Variants in TTC13 observed in about 807,000 individuals in gnomAD.
TTC13 encodes tetratricopeptide repeat protein 13.
A neutral mutation model predicts 120.0 loss-of-function variants in TTC13; 62 were observed. The ratio of observed to expected loss-of-function variants is 0.52; its 90% CI spans 0.42 to 0.64. The LOEUF is 0.64. Ranked by LOEUF, TTC13 falls within the 30% of genes least tolerant of loss-of-function variation. The probability of loss-of-function intolerance (pLI) is 0.00; values close to 1 mark genes in which losing one functional copy is unlikely to be tolerated. For synonymous variants in TTC13, 384 were observed against 393.5 expected (o/e 0.98, Z 0.28); for missense variants, 824 against 1,050.2 (o/e 0.78, Z 2.98).
chr1:230,958,660 C>G (rs1676335047), intron 2 of TTC13, among the ~76,000 whole-genome samples: 2 of 152,210 alleles, frequency 1.3e-5, no homozygotes. Context: ...TGTTTACAGA[C>G]AAGTTCACAG....
chr1:230,927,829 C>T (rs1410244638), intron 12 of TTC13, among the ~76,000 whole-genome samples: 2 of 152,124 alleles, frequency 1.3e-5, no homozygotes, highest in Non-Finnish European at 2.9e-5. Flanking sequence ...GCCATTCATA[C>T]TTCAGATTTT....
chr1:230,916,696 C>T (rs1238044847), intron 17 of TTC13, among the ~76,000 whole-genome samples: 1 of 152,202 alleles, frequency 6.6e-6, no homozygotes, highest in East Asian at 1.9e-4. Flanking sequence ...AACTTATGCT[C>T]ATACTAGTGC....
chr1:230,941,059 C>T (rs554738693), intron 6 of TTC13, among the ~76,000 whole-genome samples: 1 of 152,202 alleles, frequency 6.6e-6, no homozygotes, highest in African/African-American at 2.4e-5. Flanking sequence ...TTTTGTGTAA[C>T]AACTTTTAAC....
chr1:230,939,867 T>C lies in TTC13; in HGVS notation c.790-371A>G, dbSNP rs184365255. Among the ~76,000 whole-genome samples, 19 of 152,376 alleles carry C rather than the reference T, an allele frequency of 1.2e-4. No individual in the cohort carries two copies. The East Asian group carries it at 3.7e-3, about 29-fold the overall frequency. The stretch of plus-strand genomic sequence containing the variant: ...GCCACAGATTAACATTAAAATGTGT[T>C]ATGCTGAGACTCTTTTAATATATTT... On this transcript the variant is annotated intron_variant, in intron 7 of 22. Coordinates refer to ENST00000366661, the MANE Select transcript of TTC13 (RefSeq NM_024525.5).
chr1:230,923,649 G>A (rs565200490), intron 15 of TTC13, among the ~76,000 whole-genome samples, 192 bp downstream of exon 15: 9 of 152,134 alleles, frequency 5.9e-5, no homozygotes, highest in East Asian at 1.9e-4. Context: ...TATGGCATGC[G>A]CTATGTTTCT....
Position 230,906,671 on chromosome 1 carries a change from G to A in TTC13, c.*234C>T, listed in dbSNP as rs989044228. On this transcript the variant is annotated 3_prime_UTR_variant, in exon 23 of 23. Transcript: ENST00000366661. ...TATAAGTGGGAACCAACAGGCTGCC[G>A]GCTAATACATACGCTTTCCCTCCAA... 14 of 259,116 alleles carry A rather than the reference G, an allele frequency of 5.4e-5. No homozygotes were observed. The highest frequency in any genetic ancestry group is 1.1e-3 in the Middle Eastern group (1 of 876). The allele number at this position is 259,116 out of a possible 1,614,324, so 16.1% of individuals were successfully genotyped here. A position where few individuals can be genotyped will look rare whatever the true frequency, so the allele number is the denominator to read the frequency against.
At chr1:230,929,181 A>C in intron 11 of TTC13, 88 bp from the exon 12 acceptor site, 1 of 1,336,066 alleles carries the variant, frequency 7.5e-7, no homozygotes, top group Middle Eastern at 2.0e-4. Context: ...CTTTGTAACA[A>C]GCTGTTCTTC....
intron 2 of TTC13, among the ~76,000 whole-genome samples, chr1:230,959,383 T>TTA (rs1676406771): frequency 7.1e-6 from 1 of 139,990 alleles, no homozygotes; most frequent in South Asian, 2.5e-4. Context: ...ACAAATCAAA[T>TTA]TCTTTTTTTT....
At position 230,931,745 on chromosome 1, in the gene TTC13, C is replaced by T. The variant is rs777160155; in HGVS notation, c.1116G>A (p.Lys372=). 2 of 1,614,020 alleles carry T rather than the reference C, an allele frequency of 1.2e-6. No individual in the cohort carries two copies. The highest frequency in any genetic ancestry group is 1.7e-6 in the Non-Finnish European group (2 of 1,179,980). Residue 372 remains lysine (K), a synonymous_variant, in exon 10 of 23, where the codon AAG becomes AAA. Transcript: ENST00000366661. ...ATTTATGGATGCTCACCTTAAAGTTCTTAAGGGCTTCCTGTAAGCTGCCGT... is the reference window on the plus strand; with the variant it reads ...ATTTATGGATGCTCACCTTAAAGTTTTTAAGGGCTTCCTGTAAGCTGCCGT... ...YHHGSLQEAL[K]NFKRCLQLEP...
rs571645647 is a variant in TTC13, at chr1:230,913,148, A to G, written c.2094-390T>C. Among the ~76,000 whole-genome samples the G allele has an allele frequency of 2.6e-5, 4 of 152,364 alleles. No individual in the cohort carries two copies. In the East Asian group the frequency reaches 5.8e-4, roughly 22 times the overall value. On this transcript the variant is annotated intron_variant, in intron 18 of 22. Transcript: ENST00000366661. ...AGAAGCAAGAACTGTGTGTAGGAAG[A>G]AAGTTCAGGGACTACACCATGGTTC...
chr1:230,978,526 C>A lies in TTC13; in HGVS notation c.271+34G>T. 2.7e-6 allele frequency: 2 copies of A among 727,876 alleles called. No individual in the cohort carries two copies. The highest frequency in any genetic ancestry group is 3.8e-6 in the Non-Finnish European group (2 of 522,760). The allele number at this position is 727,876 out of a possible 1,614,324, so 45.1% of individuals were successfully genotyped here. A position where few individuals can be genotyped will look rare whatever the true frequency, so the allele number is the denominator to read the frequency against. ...CCCCAGCCCCGCTGCCCCGCCGCCC[C>A]GGCCGACTCGGACGCCCGCCGCCGC... On this transcript the variant is annotated intron_variant, in intron 1 of 22. Transcript: ENST00000366661. The surrounding 1 kb of genome is among the most constrained non-coding windows in gnomAD (Gnocchi z 5.6).
chr1:230,968,831 G>A (rs978442367), intron 1 of TTC13, among the ~76,000 whole-genome samples: 3 of 152,190 alleles, frequency 2.0e-5, no homozygotes, highest in Non-Finnish European at 4.4e-5. Flanking sequence ...AGCTAACTTT[G>A]GGCTTGAGTC....
intron 19 of TTC13, 119 bp from the exon 20 acceptor site, chr1:230,911,668 C>T (rs1405928418): frequency 1.7e-6 from 1 of 579,148 alleles, no homozygotes; most frequent in Non-Finnish European, 2.9e-6. Flanking sequence ...CTTCCTCCCC[C>T]ATAAGAATCT....
intron 15 of TTC13, among the ~76,000 whole-genome samples, chr1:230,923,453 C>T (rs1480035902): frequency 6.6e-6 from 1 of 151,920 alleles, no homozygotes; most frequent in Non-Finnish European, 1.5e-5. Flanking sequence ...GACTCCACCA[C>T]GAGAGACTTG....
intron 11 of TTC13, 126 bp downstream of exon 11, chr1:230,931,172 C>A: frequency 1.2e-6 from 1 of 860,510 alleles, no homozygotes; most frequent in Non-Finnish European, 1.8e-6. Flanking sequence ...CAAGGTGTGG[C>A]TGTGGATGAG....
At chr1:230,973,470 G>A (rs928049514) in intron 1 of TTC13, among the ~76,000 whole-genome samples, 1 of 152,088 alleles carries the variant, frequency 6.6e-6, no homozygotes, top group African/African-American at 2.4e-5. Context: ...AAGAACTGTG[G>A]GAAAATAGAA....
intron 4 of TTC13, among the ~76,000 whole-genome samples, chr1:230,950,924 A>C (rs953659888): frequency 6.6e-6 from 1 of 152,234 alleles, no homozygotes; most frequent in African/African-American, 2.4e-5. Flanking sequence ...GCACTGACAC[A>C]CATGGAAATG....
intron 1 of TTC13, among the ~76,000 whole-genome samples, chr1:230,965,740 C>T (rs927587933): frequency 1.3e-5 from 2 of 152,188 alleles, no homozygotes; most frequent in Non-Finnish European, 2.9e-5. Flanking sequence ...GGCACGATCT[C>T]GGCTAACTGC....
intron 11 of TTC13, among the ~76,000 whole-genome samples, chr1:230,929,440 G>A (rs1433749890): frequency 1.3e-5 from 2 of 151,202 alleles, no homozygotes; most frequent in African/African-American, 2.4e-5. Flanking sequence ...TCGGCCTCCC[G>A]AGTAGCTGGG....
Sources: gnomAD v4.1 joint callset for allele counts (sites outside exome capture counted in the v4.1 genomes callset) on GRCh38, gnomAD v4.1.1 for gene constraint, Gnocchi (gnomAD v3.1) non-coding constraint, MANE v1.5 for transcripts, NCBI Gene and HGNC (gene_info 2026-07-23, HGNC 2026-07-21) for gene names.